The following KLF12 variants were observed in gnomAD, a reference collection of about 807,000 sequenced individuals.
KLF12 encodes KLF transcription factor 12, also known as Krueppel-like factor 12.
A neutral mutation model predicts 37.8 loss-of-function variants in KLF12; 9 were observed. The ratio of observed to expected loss-of-function variants is 0.24; its 90% CI spans 0.14 to 0.42. The LOEUF (loss-of-function observed/expected upper bound fraction) is 0.42, where lower values mean the gene tolerates loss of function less well. Among genes scored for constraint, KLF12 ranks in the 10% least tolerant of loss-of-function variants. KLF12 has a pLI of 1.00. For missense variants in KLF12, 411 were observed against 516.0 expected (o/e 0.80, Z 1.97); for synonymous variants, 208 against 202.1 (o/e 1.03, Z -0.25).
intron 2 of KLF12, among the ~76,000 whole-genome samples, chr13:73,989,585 C>A (rs940862640): frequency 6.6e-6 from 1 of 152,248 alleles, no homozygotes; most frequent in Non-Finnish European, 1.5e-5. Flanking sequence ...GGAAGCAGAG[C>A]AGACTCTGGA....
chr13:74,079,164 T>C (rs1290821257), intron 1 of KLF12, among the ~76,000 whole-genome samples: 1 of 151,936 alleles, frequency 6.6e-6, no homozygotes, highest in African/African-American at 2.4e-5. Flanking sequence ...AAATCACTTA[T>C]ATGAGGTACC....
Position 73,794,210 on chromosome 13 carries a change from C to T in KLF12, c.806+18942G>A, listed in dbSNP as rs559458600. On this transcript the variant is annotated intron_variant, in intron 5 of 7. Coordinates refer to ENST00000377669, the MANE Select transcript of KLF12 (RefSeq NM_007249.5). ...GTGTGATGGCTCATGCCTGTAATCCCGGCACTTTGGGAGGCCGAGGCAGGC... is the reference window on the plus strand; with the variant it reads ...GTGTGATGGCTCATGCCTGTAATCCTGGCACTTTGGGAGGCCGAGGCAGGC... Among the ~76,000 whole-genome samples the T allele has an allele frequency of 1.8e-4, 28 of 152,334 alleles. 1 individual carries two copies. Among genetic ancestry groups the T allele is most frequent in the African/African-American group, 5.5e-4 (23 of 41,588 alleles).
chr13:74,247,807 T>C, the KLF12 span, among the ~76,000 whole-genome samples: 1 of 152,124 alleles, frequency 6.6e-6, no homozygotes. Flanking sequence ...ATGGTTTTCA[T>C]GTCCGTGAGA....
intron 3 of KLF12, among the ~76,000 whole-genome samples, chr13:73,877,686 G>T (rs1251476952): frequency 6.6e-6 from 1 of 152,146 alleles, no homozygotes; most frequent in Non-Finnish European, 1.5e-5. Context: ...GCTGGAAGTA[G>T]CATTTCTATG....
At chr13:73,940,566 A>G (rs535499247) in intron 3 of KLF12, among the ~76,000 whole-genome samples, 6 of 152,172 alleles carry the variant, frequency 3.9e-5, no homozygotes, top group Admixed American at 1.3e-4. Context: ...TATGTTCACA[A>G]TAACCCTATG....
chr13:73,912,177 T>C, intron 3 of KLF12, among the ~76,000 whole-genome samples: 1 of 152,188 alleles, frequency 6.6e-6, no homozygotes, highest in East Asian at 1.9e-4. Flanking sequence ...AAGTTTGCCT[T>C]TTCTTCTTCA....
intron 6 of KLF12, among the ~76,000 whole-genome samples, chr13:73,724,844 T>C (rs1462923592): frequency 6.6e-6 from 1 of 152,184 alleles, no homozygotes; most frequent in African/African-American, 2.4e-5. Context: ...GAGCTAAGAC[T>C]TTTCCGCTTT....
At chr13:73,870,603 C>T (rs539618562) in intron 3 of KLF12, among the ~76,000 whole-genome samples, 65 of 152,302 alleles carry the variant, frequency 4.3e-4, no homozygotes, top group African/African-American at 1.3e-3. Flanking sequence ...TGTGTCCTCA[C>T]GCCTAGACAG....
chr13:74,071,662 C>T (rs1311972634), intron 1 of KLF12, among the ~76,000 whole-genome samples: 2 of 152,038 alleles, frequency 1.3e-5, no homozygotes, highest in African/African-American at 4.8e-5. Context: ...CACTGCACTC[C>T]AGCCTGGGCG....
intron 5 of KLF12, among the ~76,000 whole-genome samples, chr13:73,774,006 A>G (rs1041247165): frequency 6.6e-6 from 1 of 152,126 alleles, no homozygotes; most frequent in African/African-American, 2.4e-5. Flanking sequence ...ATTGCCCTTC[A>G]TAGCACTTAG....
At chr13:74,124,149 T>A (rs1189943906) in intron 1 of KLF12, among the ~76,000 whole-genome samples, 1 of 152,222 alleles carries the variant, frequency 6.6e-6, no homozygotes. Flanking sequence ...AAAAAAAAAT[T>A]CCATTAATGC....
chr13:74,271,146 T>C, the KLF12 span, among the ~76,000 whole-genome samples: 9 of 152,166 alleles, frequency 5.9e-5, no homozygotes, highest in East Asian at 1.7e-3. Context: ...TATGAGAATC[T>C]AACTAATGCC....
chr13:74,285,497 C>A, the KLF12 span, among the ~76,000 whole-genome samples: 109,188 of 152,104 alleles, frequency 0.72, 40,233 homozygotes, highest in South Asian at 0.88. Context: ...TAACTGCAGA[C>A]TGACGTTTTC....
intron 1 of KLF12, among the ~76,000 whole-genome samples, chr13:74,082,860 A>G (rs1410477094): frequency 1.3e-5 from 2 of 152,190 alleles, no homozygotes. Context: ...AGGCACACTG[A>G]CAGACCTTCC....
chr13:74,242,552 G>A, the KLF12 span, among the ~76,000 whole-genome samples: 2 of 152,222 alleles, frequency 1.3e-5, no homozygotes, highest in Non-Finnish European at 2.9e-5. Flanking sequence ...AATTACGGGA[G>A]CTACAATTCA....
intron 3 of KLF12, among the ~76,000 whole-genome samples, chr13:73,903,567 C>T (rs1226979930): frequency 6.6e-6 from 1 of 152,152 alleles, no homozygotes; most frequent in African/African-American, 2.4e-5. Flanking sequence ...TCAAGTCATA[C>T]AATTCTCAAA....
At chr13:73,702,059 T>C (rs1446313886) in intron 7 of KLF12, among the ~76,000 whole-genome samples, 2 of 152,300 alleles carry the variant, frequency 1.3e-5, no homozygotes, top group East Asian at 3.9e-4. Flanking sequence ...TGGTTGTTAT[T>C]GTTCATCCTG....
chr13:73,931,187 T>G (rs1182027194), intron 3 of KLF12, among the ~76,000 whole-genome samples: 2 of 152,150 alleles, frequency 1.3e-5, no homozygotes, highest in African/African-American at 4.8e-5. Context: ...CTGAAATATT[T>G]TACATCACAA....
the KLF12 span, among the ~76,000 whole-genome samples, chr13:74,223,968 GC>G: frequency 6.6e-6 from 1 of 152,162 alleles, no homozygotes; most frequent in Non-Finnish European, 1.5e-5. Context: ...CCATTCATTT[GC>G]TAGAAGGGAG....
Sources: gnomAD v4.1 joint callset for allele counts (sites outside exome capture counted in the v4.1 genomes callset) on GRCh38, gnomAD v4.1.1 for gene constraint, MANE v1.5 for transcripts, NCBI Gene and HGNC (gene_info 2026-07-23, HGNC 2026-07-21) for gene names.